RGS3: variants seen among roughly 807,000 people sequenced by gnomAD.
RGS3 encodes regulator of G protein signaling 3.
A neutral mutation model predicts 132.6 loss-of-function variants in RGS3; 80 were observed. The ratio of observed to expected loss-of-function variants is 0.60; its 90% confidence interval spans 0.50 to 0.73. The LOEUF (loss-of-function observed/expected upper bound fraction) is 0.73. RGS3 is among the 30% of genes least tolerant of loss of function. The pLI, the probability that RGS3 is intolerant of heterozygous loss-of-function variation, is 0.00. For synonymous variants in RGS3, 598 were observed against 620.6 expected (o/e 0.96, Z 0.54); for missense variants, 1,382 against 1,530.8 (o/e 0.90, Z 1.62).
chr9:113,497,619 G>A (rs991822357), intron 9 of RGS3, among the ~76,000 whole-genome samples: 1 of 152,140 alleles, frequency 6.6e-6, no homozygotes, highest in Non-Finnish European at 1.5e-5. Flanking sequence ...GACTTTTACT[G>A]TAGAGGCTAT....
At chr9:113,484,629 C>T (rs899018873) in intron 6 of RGS3, among the ~76,000 whole-genome samples, 2 of 152,184 alleles carry the variant, frequency 1.3e-5, no homozygotes, top group African/African-American at 4.8e-5. Context: ...CTTCAACTTT[C>T]TAACCTCTCT....
At position 113,596,927 on chromosome 9, in the gene RGS3, C is replaced by T. The variant is rs1400459704; in HGVS notation, c.3571C>T (p.Gln1191Ter). ...TGACCTCTACCTGGACCTTATTAAC[C>T]AGAAGAAGATGAGTCCCCCGCTTTA... Residue 1191 changes from glutamine (Q) to a stop codon, truncating the protein, a stop_gained, in exon 25 of 25, where the codon CAG (glutamine) becomes TAG (stop). Transcript: ENST00000350696. LOFTEE classifies it high-confidence loss of function. 6.2e-7 allele frequency: 1 copy of T among 1,610,984 alleles called. No individual in the cohort carries two copies. Among genetic ancestry groups the T allele is most frequent in the Non-Finnish European group, 8.5e-7 (1 of 1,178,682 alleles).
intron 3 of RGS3, among the ~76,000 whole-genome samples, chr9:113,467,532 G>A (rs1025548830): frequency 2.0e-5 from 3 of 152,236 alleles, no homozygotes; most frequent in Non-Finnish European, 4.4e-5. Context: ...CTTCTTTGGA[G>A]AAGAATGTAT....
intron 10 of RGS3, among the ~76,000 whole-genome samples, chr9:113,499,668 C>CT (rs1252063773): frequency 6.6e-6 from 1 of 152,244 alleles, no homozygotes; most frequent in Non-Finnish European, 1.5e-5. Context: ...TGGGATGCAG[C>CT]TCTGGACCTG....
rs946991322 is a variant in RGS3 at position 113,595,238 on chromosome 9, A to G, written c.3244+258A>G. On this transcript the variant is annotated intron_variant, in intron 23 of 24. Transcript: ENST00000350696. ...CCGTGGGACCTGTGTGCTCAGATCCATATTCCCAGAATAAGAATAAACATT... is the reference window on the plus strand; with the variant it reads ...CCGTGGGACCTGTGTGCTCAGATCCGTATTCCCAGAATAAGAATAAACATT... 1.6e-5 allele frequency: 9 copies of G among 580,178 alleles called. No homozygotes were observed. The African/African-American group carries it at 1.7e-4, about 11-fold the overall frequency. The allele number at this position is 580,178 out of a possible 1,614,324, so 35.9% of individuals were successfully genotyped here.
chr9:113,565,144 A>G lies in RGS3; in HGVS notation c.2038-18306A>G. Reference sequence around the variant, plus strand: ...AGCTTGGGCCCTGGGGATGAGCCACAGGGGACCCACAGCCTATGCGTGTGA... The same window carrying G: ...AGCTTGGGCCCTGGGGATGAGCCACGGGGGACCCACAGCCTATGCGTGTGA... On this transcript the variant is annotated intron_variant, in intron 19 of 24. Transcript: ENST00000350696. The surrounding 1 kb of genome is among the most constrained non-coding windows in gnomAD (Gnocchi z 5.7). 8.4e-7 allele frequency: 1 copy of G among 1,188,596 alleles called. No homozygotes were observed. The highest frequency in any genetic ancestry group is 1.1e-6 in the Non-Finnish European group (1 of 940,714). 73.6% of individuals were successfully genotyped at this position (1,188,596 alleles called of 1,614,324 possible).
chr9:113,497,500 C>A, intron 9 of RGS3, 96 bp downstream of exon 7: 1 of 1,007,324 alleles, frequency 9.9e-7, no homozygotes, highest in Non-Finnish European at 1.5e-6. Context: ...GTGGCCCCTG[C>A]TACTGAGAAT....
rs188981092 is a variant in RGS3 at position 113,580,982 on chromosome 9, G to A, written c.2038-2468G>A. ...GGGCACCCGGTTGCTGCTTCCTTCC[G>A]TCTTTCCCCAAGGACTATCAGAGGC... On this transcript the variant is annotated intron_variant, in intron 19 of 24. Coordinates refer to ENST00000350696, the Ensembl canonical transcript of RGS3. 5.3e-3 allele frequency: 5,161 copies of A among 978,646 alleles called. 18 individuals carry two copies. Among genetic ancestry groups the A allele is most frequent in the Non-Finnish European group, 5.9e-3 (4,859 of 828,168 alleles). 60.6% of individuals were successfully genotyped at this position (978,646 alleles called of 1,614,324 possible).
At chr9:113,491,784 C>A (rs551072787) in intron 7 of RGS3, among the ~76,000 whole-genome samples, 9 of 152,294 alleles carry the variant, frequency 5.9e-5, no homozygotes, top group African/African-American at 2.2e-4. Flanking sequence ...AAACTCCTGA[C>A]CTCAAGTGAT....
At chr9:113,447,065 T>C (rs1829117034) in intron 1 of RGS3, among the ~76,000 whole-genome samples, 1 of 151,320 alleles carries the variant, frequency 6.6e-6, no homozygotes, top group Non-Finnish European at 1.5e-5. Flanking sequence ...ATCGAGACCA[T>C]CCTGGCTAAC....
intron 10 of RGS3, chr9:113,504,906 C>G (rs1407454997): frequency 1.3e-5 from 2 of 153,938 alleles, no homozygotes; most frequent in African/African-American, 2.4e-5. Flanking sequence ...AACCTCAGCT[C>G]TCTTCCTCTG....
intron 19 of RGS3, among the ~76,000 whole-genome samples, chr9:113,556,123 T>G (rs144998982): frequency 0.011 from 1,615 of 152,304 alleles, 11 homozygotes; most frequent in Non-Finnish European, 0.018. Context: ...GTTTCCCCAG[T>G]ATTTAGTGTT....
At chr9:113,496,382 T>G (rs1401004756) in intron 8 of RGS3, among the ~76,000 whole-genome samples, 1 of 152,112 alleles carries the variant, frequency 6.6e-6, no homozygotes, top group East Asian at 1.9e-4. Context: ...TACGCTGCAC[T>G]GGACTCCCCA....
intron 18 of RGS3, among the ~76,000 whole-genome samples, chr9:113,531,577 T>A (rs1832467121): frequency 1.3e-5 from 2 of 152,254 alleles, no homozygotes; most frequent in South Asian, 4.1e-4. Context: ...GCTCTTCATA[T>A]TCATTTACTC....
At chr9:113,540,298 A>AT (rs1487680469) in intron 19 of RGS3, among the ~76,000 whole-genome samples, 1 of 152,132 alleles carries the variant, frequency 6.6e-6, no homozygotes, top group Non-Finnish European at 1.5e-5. Context: ...GGGAGAGACA[A>AT]TTATATATTC....
intron 3 of RGS3, among the ~76,000 whole-genome samples, chr9:113,472,786 C>G (rs562914054): frequency 1.3e-5 from 2 of 152,112 alleles, no homozygotes; most frequent in Admixed American, 6.6e-5. Flanking sequence ...GTGGCTCAAT[C>G]CCAGCACTTT....
chr9:113,571,769 T>C (rs1588269979), intron 19 of RGS3, among the ~76,000 whole-genome samples: 1 of 152,364 alleles, frequency 6.6e-6, no homozygotes, highest in Admixed American at 6.5e-5. Flanking sequence ...GTTTGTTGAG[T>C]CCTGTTTCTC....
intron 22 of RGS3, 65 bp from the exon 21 acceptor site, chr9:113,594,854 C>G: frequency 6.6e-7 from 1 of 1,517,916 alleles, no homozygotes; most frequent in Non-Finnish European, 9.1e-7. Context: ...GCCGCCTGGC[C>G]CAGCTTCCCC....
chr9:113,455,871 A>G (rs1829352732), upstream of RGS3, among the ~76,000 whole-genome samples: 1 of 152,196 alleles, frequency 6.6e-6, no homozygotes, highest in African/African-American at 2.4e-5. Flanking sequence ...AGGACATGAA[A>G]AAAACCTGAC....
Sources: allele counts gnomAD v4.1 joint callset (sites outside exome capture counted in the v4.1 genomes callset), GRCh38; gene constraint gnomAD v4.1.1; non-coding constraint Gnocchi (gnomAD v3.1); transcripts MANE v1.5; gene names NCBI Gene and HGNC (gene_info 2026-07-23, HGNC 2026-07-21).